MAF: variants seen among roughly 807,000 people sequenced by gnomAD.
MAF encodes transcription factor Maf.
A neutral mutation model predicts 22.0 loss-of-function variants in MAF; 10 were observed. The ratio of observed to expected loss-of-function variants is 0.45; its 90% CI spans 0.28 to 0.77. The LOEUF (loss-of-function observed/expected upper bound fraction) is 0.77. Ranked by LOEUF, MAF falls within the 30% of genes least tolerant of loss-of-function variation. MAF has a pLI of 0.12. For missense variants in MAF, 544 were observed against 548.4 expected, an observed-to-expected ratio of 0.99 and a Z score of 0.08; for synonymous variants, 337 against 255.8, an observed-to-expected ratio of 1.32 and a Z score of -3.03.
chr16:79,435,214 G>T, the MAF span, among the ~76,000 whole-genome samples: 1 of 151,550 alleles, frequency 6.6e-6, no homozygotes, highest in African/African-American at 2.4e-5. Context: ...ACACATATAT[G>T]TACACACACA....
chr16:79,289,039 G>C, the MAF span, among the ~76,000 whole-genome samples: 27 of 152,336 alleles, frequency 1.8e-4, 1 homozygote, highest in Middle Eastern at 6.8e-3. Context: ...CTGTTTGTTT[G>C]TTAAAGGAGA....
the MAF span, among the ~76,000 whole-genome samples, chr16:79,346,289 T>A: frequency 6.6e-6 from 1 of 151,894 alleles, no homozygotes; most frequent in African/African-American, 2.4e-5. Context: ...TGGTTTTCTG[T>A]CCTTGCGATA....
chr16:79,310,389 G>C, the MAF span, among the ~76,000 whole-genome samples: 1 of 152,206 alleles, frequency 6.6e-6, no homozygotes, highest in Non-Finnish European at 1.5e-5. Context: ...GAGTAAGAGA[G>C]AGAGAGACAG....
chr16:79,341,208 C>G, the MAF span, among the ~76,000 whole-genome samples: 1 of 152,296 alleles, frequency 6.6e-6, no homozygotes, highest in African/African-American at 2.4e-5. Flanking sequence ...ATTTTAAGCA[C>G]AAGAAGGAGA....
chr16:79,404,949 G>A, the MAF span, among the ~76,000 whole-genome samples: 2 of 152,060 alleles, frequency 1.3e-5, no homozygotes, highest in African/African-American at 4.8e-5. Flanking sequence ...TGTACTTATG[G>A]GGTGTTTACA....
the MAF span, chr16:79,212,156 TACCACCACG>T: frequency 6.6e-7 from 1 of 1,504,358 alleles, no homozygotes; most frequent in Non-Finnish European, 8.8e-7. Flanking sequence ...CCCATCCAGC[TACCACCACG>T]GCCACCACTG....
At chr16:79,472,887 T>C in the MAF span, among the ~76,000 whole-genome samples, 15 of 151,908 alleles carry the variant, frequency 9.9e-5, no homozygotes, top group African/African-American at 3.6e-4. Flanking sequence ...GTTCCTGTCC[T>C]GGAGAGATTT....
chr16:79,520,778 G>A, the MAF span, among the ~76,000 whole-genome samples: 4 of 152,106 alleles, frequency 2.6e-5, no homozygotes, highest in Non-Finnish European at 4.4e-5. Flanking sequence ...GCAAGAGCAG[G>A]ACACCCAGGG....
the MAF span, among the ~76,000 whole-genome samples, chr16:79,421,307 G>A: frequency 4.2e-4 from 64 of 152,280 alleles, no homozygotes; most frequent in Admixed American, 7.2e-4. Flanking sequence ...ATAATGACAC[G>A]TATCCACTAT....
At chr16:79,571,968 A>C in the MAF span, among the ~76,000 whole-genome samples, 2 of 151,992 alleles carry the variant, frequency 1.3e-5, no homozygotes, top group African/African-American at 4.8e-5. Context: ...CTCACTCTTC[A>C]TTTTCCTTCT....
chr16:79,599,237 G>C lies in MAF; in HGVS notation c.666C>G (p.Ala222=). The C allele has an allele frequency of 1.0e-6, 1 of 978,388 alleles. No individual in the cohort carries two copies. Among genetic ancestry groups the C allele is most frequent in the Non-Finnish European group, 1.2e-6 (1 of 827,256 alleles). The allele number at this position is 978,388 out of a possible 1,614,324, so 60.6% of individuals were successfully genotyped here. A position where few individuals can be genotyped will look rare whatever the true frequency, so the allele number is the denominator to read the frequency against. ...CGCCGCCGCCGCCGCCCCCAGCGCT[G>C]GCCGGGCCACCGCCGCCCGCGCCCC... is the stretch of plus-strand genomic sequence containing the variant. ...GAGGAGGGGP[A]SAGGGGGGGG... The change falls in exon 1 of 2, where the codon GCC becomes GCG. Residue 222 remains alanine (A), a synonymous_variant. Transcript: ENST00000326043.
At chr16:79,530,841 A>G in the MAF span, among the ~76,000 whole-genome samples, 4 of 152,148 alleles carry the variant, frequency 2.6e-5, no homozygotes, top group Non-Finnish European at 5.9e-5. Flanking sequence ...CGGCAGGTCT[A>G]TGGGTGGAAG....
the MAF span, among the ~76,000 whole-genome samples, chr16:79,263,854 C>G: frequency 9.2e-5 from 14 of 152,170 alleles, no homozygotes; most frequent in African/African-American, 3.1e-4. Context: ...AGCAATCTCA[C>G]TTTGTTGCCA....
chr16:79,592,097 T>C (rs570436545), downstream of MAF, among the ~76,000 whole-genome samples: 2 of 152,332 alleles, frequency 1.3e-5, no homozygotes, highest in East Asian at 1.9e-4. Flanking sequence ...GCTTTTAAAG[T>C]TCCCCTTTCT....
At chr16:79,424,715 A>T in the MAF span, among the ~76,000 whole-genome samples, 1 of 152,160 alleles carries the variant, frequency 6.6e-6, no homozygotes, top group African/African-American at 2.4e-5. Flanking sequence ...AGATGGTGTT[A>T]AACAACAACA....
At chr16:79,575,736 C>A in the MAF span, among the ~76,000 whole-genome samples, 3 of 152,168 alleles carry the variant, frequency 2.0e-5, no homozygotes, top group Non-Finnish European at 2.9e-5. Context: ...TTCCCGCTAG[C>A]CAGCTTCTAT....
the MAF span, among the ~76,000 whole-genome samples, chr16:79,223,161 C>T: frequency 6.6e-6 from 1 of 152,158 alleles, no homozygotes; most frequent in African/African-American, 2.4e-5. Flanking sequence ...GACAACATAA[C>T]AGTCTCTCAG....
the MAF span, among the ~76,000 whole-genome samples, chr16:79,436,148 T>C: frequency 6.6e-6 from 1 of 152,340 alleles, no homozygotes; most frequent in East Asian, 1.9e-4. Context: ...AGTGGCATGA[T>C]CTCGGCTCAC....
chr16:79,576,481 A>C, the MAF span, among the ~76,000 whole-genome samples: 2 of 152,040 alleles, frequency 1.3e-5, no homozygotes, highest in African/African-American at 4.8e-5. Flanking sequence ...TCTGACCCTT[A>C]ATTTTCCTAA....
Sources: gnomAD v4.1 joint callset for allele counts (sites outside exome capture counted in the v4.1 genomes callset) on GRCh38, gnomAD v4.1.1 for gene constraint, MANE v1.5 for transcripts, NCBI Gene and HGNC (gene_info 2026-07-23, HGNC 2026-07-21) for gene names.